The following FRYL variants were observed in gnomAD, a reference collection of about 807,000 sequenced individuals.
The protein encoded by FRYL is protein furry homolog-like.
A neutral mutation model predicts 351.2 loss-of-function variants in FRYL; 150 were observed. The ratio of observed to expected loss-of-function variants is 0.43; its 90% CI spans 0.37 to 0.49. The LOEUF (loss-of-function observed/expected upper bound fraction) is 0.49, where lower values mean the gene tolerates loss of function less well. FRYL is among the 20% of genes least tolerant of loss of function. The pLI, the probability that FRYL is intolerant of heterozygous loss-of-function variation, is 0.00. For missense variants in FRYL, 3,036 were observed against 3,619.3 expected (o/e 0.84, Z 4.13); for synonymous variants, 1,153 against 1,257.1 (o/e 0.92, Z 1.75).
chr4:48,621,319 G>A (rs1244776938), intron 5 of FRYL, among the ~76,000 whole-genome samples: 2 of 152,214 alleles, frequency 1.3e-5, no homozygotes, highest in African/African-American at 2.4e-5. Context: ...TGTAAACAGT[G>A]TGTAAGGCTT....
Position 48,634,345 on chromosome 4 carries a change from T to C in FRYL, c.66A>G (p.Ala22=). The C allele has an allele frequency of 1.2e-6, 2 of 1,613,778 alleles. No homozygotes were observed. The highest frequency in any genetic ancestry group is 1.7e-6 in the Non-Finnish European group (2 of 1,179,726). ...PGEYVIKSLF[A]EFAVQAEKKI... ...TCTTTTCAGCTTGAACAGCAAATTC[T>C]GCAAAGAGGCTCTTGATGACATATT... The change falls in exon 4 of 64, where the codon GCA becomes GCG. Residue 22 remains alanine (A), a synonymous_variant. Coordinates refer to ENST00000358350, the MANE Select transcript of FRYL (RefSeq NM_015030.2).
At chr4:48,591,344 C>T (rs1419795772) in intron 16 of FRYL, among the ~76,000 whole-genome samples, 2 of 152,198 alleles carry the variant, frequency 1.3e-5, no homozygotes, top group Non-Finnish European at 2.9e-5. Context: ...CAATTACATA[C>T]ACGTTTTCTT....
In FRYL at chr4:48,551,442, C is replaced by T; in HGVS notation, c.4520+52G>A. ...CAGAAAATATCATTTATTCTGATGACAACCAGTATCTGTCAAACTGAAAGG... is the reference window on the plus strand; with the variant it reads ...CAGAAAATATCATTTATTCTGATGATAACCAGTATCTGTCAAACTGAAAGG... On this transcript the variant is annotated intron_variant, in intron 37 of 63. Coordinates refer to ENST00000358350, the MANE Select transcript of FRYL (RefSeq NM_015030.2). 3 of 941,220 alleles carry T rather than the reference C, an allele frequency of 3.2e-6. No individual in the cohort carries two copies. The South Asian group carries it at 5.7e-5, about 18-fold the overall frequency. The allele number at this position is 941,220 out of a possible 1,614,324, so 58.3% of individuals were successfully genotyped here.
Position 48,511,017 on chromosome 4 carries a change from T to A in FRYL, c.8146-33A>T, listed in dbSNP as rs1158917421. 10 of 1,554,562 alleles carry A rather than the reference T, an allele frequency of 6.4e-6. No individual in the cohort carries two copies. The African/African-American group carries it at 1.4e-4, about 21-fold the overall frequency. The stretch of plus-strand genomic sequence containing the variant: ...GAAAAGCAGAAGAAAGAGTTTAGTG[T>A]TTCATAAGAAGGCCTTTTTTCATCT... On this transcript the variant is annotated intron_variant, in intron 57 of 63. Transcript: ENST00000358350.
At chr4:48,580,753 C>G in intron 22 of FRYL, 112 bp downstream of exon 22, 1 of 648,500 alleles carries the variant, frequency 1.5e-6, no homozygotes, top group Non-Finnish European at 2.6e-6. Context: ...TACTTTCTAA[C>G]TCATTACATT....
intron 3 of FRYL, chr4:48,681,049 G>A: frequency 7.8e-7 from 1 of 1,285,954 alleles, no homozygotes; most frequent in Non-Finnish European, 1.0e-6. Flanking sequence ...TAATCTTGGG[G>A]AACTTTCCTC....
intron 16 of FRYL, among the ~76,000 whole-genome samples, chr4:48,593,355 A>AT (rs34469869): frequency 0.95 from 142,780 of 150,724 alleles, 67,738 homozygotes; most frequent in South Asian, 0.98. Context: ...TTCTTTATTC[A>AT]TTTTTTGAGA....
intron 1 of FRYL, among the ~76,000 whole-genome samples, chr4:48,779,284 C>G (rs1172994631): frequency 6.6e-6 from 1 of 152,166 alleles, no homozygotes; most frequent in African/African-American, 2.4e-5. Context: ...TGCCCGGTGC[C>G]GAGGCTGAGA....
chr4:48,636,248 G>A (rs1220668237), intron 3 of FRYL, among the ~76,000 whole-genome samples: 1 of 152,046 alleles, frequency 6.6e-6, no homozygotes, highest in South Asian at 2.1e-4. Flanking sequence ...AAATGTCATT[G>A]TGGAAGAAAG....
At chr4:48,526,128 A>C (rs1453997516) in intron 53 of FRYL, among the ~76,000 whole-genome samples, 2 of 152,158 alleles carry the variant, frequency 1.3e-5, no homozygotes, top group African/African-American at 4.8e-5. Context: ...AATGTGTATG[A>C]GCTGTATATG....
intron 1 of FRYL, among the ~76,000 whole-genome samples, chr4:48,736,209 C>G (rs1415076358): frequency 6.6e-6 from 1 of 151,826 alleles, no homozygotes; most frequent in Non-Finnish European, 1.5e-5. Flanking sequence ...TGGGATGCAA[C>G]AAATGAAATG....
intron 2 of FRYL, among the ~76,000 whole-genome samples, chr4:48,697,014 G>C (rs1359742099): frequency 6.6e-6 from 1 of 151,930 alleles, no homozygotes; most frequent in Non-Finnish European, 1.5e-5. Flanking sequence ...CAATTACAAG[G>C]TTTTTTCCTA....
chr4:48,629,786 T>C (rs1281857717), intron 4 of FRYL, among the ~76,000 whole-genome samples: 1 of 151,882 alleles, frequency 6.6e-6, no homozygotes, highest in Non-Finnish European at 1.5e-5. Context: ...CCCAGAAGGC[T>C]CAGGAATTGG....
At chr4:48,522,830 AATC>A in intron 54 of FRYL, 68 bp downstream of exon 54, 1 of 1,111,078 alleles carries the variant, frequency 9.0e-7, no homozygotes, top group Non-Finnish European at 1.4e-6. Context: ...CACAAGAAAT[AATC>A]ATTAAGAAGT....
chr4:48,705,912 C>G (rs1767290610), intron 2 of FRYL, among the ~76,000 whole-genome samples: 1 of 152,094 alleles, frequency 6.6e-6, no homozygotes, highest in Non-Finnish European at 1.5e-5. Flanking sequence ...CCTCAGTTTA[C>G]TGCAACCTCT....
chr4:48,513,254 T>C (rs971649338), intron 56 of FRYL, among the ~76,000 whole-genome samples: 3 of 152,194 alleles, frequency 2.0e-5, no homozygotes, highest in Admixed American at 1.3e-4. Context: ...AGAGCCAGAA[T>C]TTGAACCCAG....
At chr4:48,657,353 C>CTTTTTTTT (rs371640944) in intron 3 of FRYL, among the ~76,000 whole-genome samples, 1 of 122,378 alleles carries the variant, frequency 8.2e-6, no homozygotes, top group Non-Finnish European at 1.7e-5. Flanking sequence ...CTTTTCTTTT[C>CTTTTTTTT]TTTTTTTTTT....
At chr4:48,705,067 G>T (rs900830554) in intron 2 of FRYL, among the ~76,000 whole-genome samples, 1 of 152,056 alleles carries the variant, frequency 6.6e-6, no homozygotes. Flanking sequence ...GTTGCAGTGA[G>T]CCGAGATCAT....
intron 19 of FRYL, among the ~76,000 whole-genome samples, chr4:48,582,948 T>G (rs570677342): frequency 2.0e-5 from 3 of 152,310 alleles, no homozygotes; most frequent in African/African-American, 7.2e-5. Flanking sequence ...TCTATTCCCA[T>G]TAGTTGGTGT....
Sources: gnomAD v4.1 joint callset for allele counts (sites outside exome capture counted in the v4.1 genomes callset) on GRCh38, gnomAD v4.1.1 for gene constraint, MANE v1.5 for transcripts, NCBI Gene and HGNC (gene_info 2026-07-23, HGNC 2026-07-21) for gene names.